The following BMPER variants were observed in gnomAD, a reference collection of about 807,000 sequenced individuals.
BMPER encodes BMP binding endothelial regulator.
A neutral mutation model predicts 87.3 loss-of-function variants in BMPER; 45 were observed. The observed-to-expected ratio is 0.52, with a 90% CI of 0.41 to 0.66. The LOEUF (loss-of-function observed/expected upper bound fraction) is 0.66. Among genes scored for constraint, BMPER ranks in the 30% least tolerant of loss-of-function variants. The pLI is 0.00. For missense variants in BMPER, 784 were observed against 867.5 expected (o/e 0.90, Z 1.21); for synonymous variants, 326 against 316.2 (o/e 1.03, Z -0.33).
chr7:34,088,405 T>C (rs1181616789), intron 13 of BMPER, among the ~76,000 whole-genome samples: 1 of 152,146 alleles, frequency 6.6e-6, no homozygotes, highest in African/African-American at 2.4e-5. Context: ...TCCCCCTTAT[T>C]TCCAAGTGCA....
intron 13 of BMPER, among the ~76,000 whole-genome samples, chr7:34,139,419 A>G (rs906726041): frequency 1.3e-5 from 2 of 152,248 alleles, no homozygotes; most frequent in Non-Finnish European, 2.9e-5. Context: ...TTTCAATATT[A>G]ATATCTTTCA....
At chr7:34,028,607 T>TTG (rs1285647785) in intron 6 of BMPER, among the ~76,000 whole-genome samples, 3 of 110,492 alleles carry the variant, frequency 2.7e-5, no homozygotes, top group African/African-American at 1.2e-4. Context: ...TTCTGTTTTT[T>TTG]TTTTTTTTTT....
intron 13 of BMPER, among the ~76,000 whole-genome samples, chr7:34,131,840 A>G (rs1790598611): frequency 1.3e-5 from 2 of 152,204 alleles, no homozygotes; most frequent in Admixed American, 1.3e-4. Context: ...ACAAAGTTCA[A>G]TTCCTGCACA....
Position 33,906,976 on chromosome 7 carries a change from A to G in BMPER, c.219+73A>G. 2.2e-6 allele frequency: 3 copies of G among 1,345,164 alleles called. No individual in the cohort carries two copies. In the South Asian group the frequency reaches 3.5e-5, roughly 16 times the overall value. The allele number at this position is 1,345,164 out of a possible 1,614,324, so 83.3% of individuals were successfully genotyped here. On this transcript the variant is annotated intron_variant, in intron 2 of 14. Coordinates refer to ENST00000649409, the MANE Select transcript of BMPER (RefSeq NM_001365308.1). ...AGGTGAATCCATTAAATGTGATAAT[A>G]TAACCAGATCTTACAAATTGTCTTT...
At chr7:34,139,621 G>T (rs1263465611) in intron 13 of BMPER, among the ~76,000 whole-genome samples, 1 of 152,186 alleles carries the variant, frequency 6.6e-6, no homozygotes, top group African/African-American at 2.4e-5. Flanking sequence ...ACCACACCGA[G>T]CTTTCCGTTG....
chr7:33,915,002 G>T (rs989894132), intron 2 of BMPER, among the ~76,000 whole-genome samples: 4 of 152,174 alleles, frequency 2.6e-5, no homozygotes, highest in African/African-American at 9.7e-5. Flanking sequence ...ACATGGGATT[G>T]AATTGATCAT....
chr7:34,082,328 GTTTTTTTT>G (rs55748957), intron 12 of BMPER, among the ~76,000 whole-genome samples: 12 of 116,442 alleles, frequency 1.0e-4, no homozygotes, highest in Non-Finnish European at 1.7e-4. Flanking sequence ...CAACTTATTA[GTTTTTTTT>G]TTTTTTTTTT....
rs10537332 is a variant in BMPER, at chr7:34,063,379, A to ATGTG, written c.1078+1356_1078+1359dup. Among the ~76,000 whole-genome samples the ATGTG allele has an allele frequency of 2.6e-3, 393 of 149,048 alleles. 2 individuals carry two copies. The highest frequency in any genetic ancestry group is 7.2e-3 in the South Asian group (33 of 4,610). On this transcript the variant is annotated intron_variant, in intron 11 of 14. Coordinates refer to ENST00000649409, the MANE Select transcript of BMPER (RefSeq NM_001365308.1). Reference sequence around the variant, plus strand: ...GACAATAGATATGCAGGGTCACTATATGTGTGTGTGTGTGTGTGTGTGTGT... The same window carrying ATGTG: ...GACAATAGATATGCAGGGTCACTATATGTGTGTGTGTGTGTGTGTGTGTGTGTGT...
intron 4 of BMPER, among the ~76,000 whole-genome samples, chr7:33,969,335 A>G (rs771206726): frequency 1.3e-5 from 2 of 152,230 alleles, no homozygotes; most frequent in Non-Finnish European, 2.9e-5. Context: ...TTCTAAAAAT[A>G]TTTCAATTGA....
At chr7:34,143,492 C>CGGCT in intron 14 of BMPER, 132 bp downstream of exon 14, 1 of 1,336,796 alleles carries the variant, frequency 7.5e-7, no homozygotes, top group Non-Finnish European at 1.0e-6. Context: ...TTCCAGTAGC[C>CGGCT]CATCTGGATT....
chr7:34,025,660 C>A (rs1488030609), intron 6 of BMPER, among the ~76,000 whole-genome samples: 1 of 151,914 alleles, frequency 6.6e-6, no homozygotes, highest in East Asian at 1.9e-4. Context: ...AGAAATCCAG[C>A]CTGAAAGCAT....
At chr7:34,051,838 A>G (rs142705208) in intron 7 of BMPER, 23 bp from the exon 8 acceptor site, 18 of 1,571,838 alleles carry the variant, frequency 1.1e-5, no homozygotes, top group East Asian at 4.5e-5. Flanking sequence ...TCTTACTTAC[A>G]CTGTGCTTCT....
At chr7:33,953,580 A>C (rs535424621) in intron 3 of BMPER, among the ~76,000 whole-genome samples, 1 of 152,340 alleles carries the variant, frequency 6.6e-6, no homozygotes, top group South Asian at 2.1e-4. Context: ...ACTCCAGACC[A>C]AATGAATCAT....
intron 14 of BMPER, 41 bp from the exon 15 acceptor site, chr7:34,153,051 C>A (rs972434724): frequency 6.2e-7 from 1 of 1,610,396 alleles, no homozygotes; most frequent in Admixed American, 1.7e-5. Flanking sequence ...ATTAATGGGG[C>A]CTTTCTCCAT....
At position 34,044,776 on chromosome 7, in the gene BMPER, G is replaced by A. The variant is rs139423054; in HGVS notation, c.577-1530G>A. Among the ~76,000 whole-genome samples, 657 of 152,032 alleles carry A rather than the reference G, an allele frequency of 4.3e-3. 7 individuals carry two copies. Among genetic ancestry groups the A allele is most frequent in the African/African-American group, 0.014 (597 of 41,468 alleles). ...TGGGGGAAGAATCCAACATTAAAGAGGTGAAAAAAAATAGCAAATATTTTA... is the reference window on the plus strand; with the variant it reads ...TGGGGGAAGAATCCAACATTAAAGAAGTGAAAAAAAATAGCAAATATTTTA... On this transcript the variant is annotated intron_variant, in intron 6 of 14. Coordinates refer to ENST00000649409, the MANE Select transcript of BMPER (RefSeq NM_001365308.1).
In BMPER at chr7:34,051,176, A is replaced by G. The variant is rs147133719; in HGVS notation, c.677-685A>G. Among the ~76,000 whole-genome samples, 6 of 152,290 alleles carry G rather than the reference A, an allele frequency of 3.9e-5. No homozygotes were observed. In the East Asian group the frequency reaches 9.7e-4, roughly 25 times the overall value. On this transcript the variant is annotated intron_variant, in intron 7 of 14. Coordinates refer to ENST00000649409, the MANE Select transcript of BMPER (RefSeq NM_001365308.1). ...TTTTATAAGGGCACTAATCTAAGTC[A>G]TGAGAGCTTTGCTCTCCTGACCTAA...
rs747012137 is a variant in BMPER at position 34,055,320 on chromosome 7, G to A, written c.927+17G>A. 6.2e-7 allele frequency: 1 copy of A among 1,613,674 alleles called. No individual in the cohort carries two copies. The highest frequency in any genetic ancestry group is 8.5e-7 in the Non-Finnish European group (1 of 1,179,966). ...ATTTTCCAGGTATGTCATGAGACAA[G>A]CACATGGGAACTCCTGTATTACTAC... On this transcript the variant is annotated intron_variant, in intron 9 of 14. Transcript: ENST00000649409.
intron 2 of BMPER, among the ~76,000 whole-genome samples, chr7:33,931,776 A>T (rs2128607536): frequency 6.6e-6 from 1 of 152,310 alleles, no homozygotes; most frequent in East Asian, 1.9e-4. Context: ...TTCCTATTTG[A>T]GCCATCTTGA....
At chr7:33,905,485 C>G, upstream of BMPER, 1 of 1,191,038 alleles carries the variant, frequency 8.4e-7, no homozygotes, top group Non-Finnish European at 1.1e-6. Context: ...TCTCGGGCGC[C>G]CGCCTCCCTC....
Sources: allele counts gnomAD v4.1 joint callset (sites outside exome capture counted in the v4.1 genomes callset), GRCh38; gene constraint gnomAD v4.1.1; transcripts MANE v1.5; gene names NCBI Gene and HGNC (gene_info 2026-07-23, HGNC 2026-07-21).